The following VWCE variants were observed in gnomAD, a reference collection of about 807,000 sequenced individuals.
The protein encoded by VWCE is von Willebrand factor C and EGF domains.
VWCE carries 68 observed loss-of-function variants against 102.9 expected under a neutral mutation model. That is an observed-to-expected ratio of 0.66 (90% CI 0.54 to 0.81). The LOEUF (loss-of-function observed/expected upper bound fraction) is 0.81. VWCE is among the 30% of genes least tolerant of loss of function. The probability of loss-of-function intolerance (pLI) is 0.00; values close to 1 mark genes in which losing one functional copy is unlikely to be tolerated. For missense variants in VWCE, 1,137 were observed against 1,263.6 expected, an observed-to-expected ratio of 0.90 and a Z score of 1.52; for synonymous variants, 497 against 515.4, an observed-to-expected ratio of 0.96 and a Z score of 0.48.
chr11:61,291,776 T>TA (rs1855509676), intron 1 of VWCE, among the ~76,000 whole-genome samples, 200 bp from the exon 2 acceptor site: 1 of 152,050 alleles, frequency 6.6e-6, no homozygotes, highest in African/African-American at 2.4e-5. Context: ...TGTGAGACAA[T>TA]AGATACTGGC....
chr11:61,278,146 C>G (rs1297784749), intron 10 of VWCE, among the ~76,000 whole-genome samples: 1 of 152,210 alleles, frequency 6.6e-6, no homozygotes, highest in Non-Finnish European at 1.5e-5. Context: ...CCTTCCTAAA[C>G]AGACGGACCC....
In VWCE at chr11:61,291,010, G is replaced by A. The variant is rs144092855; in HGVS notation, c.296-83C>T. 1.1e-5 allele frequency: 17 copies of A among 1,540,332 alleles called. No individual in the cohort carries two copies. In the African/African-American group the frequency reaches 2.0e-4, roughly 19 times the overall value. ...CTTCACCAGGGTCCTCCTGAATTCT[G>A]TTGGGAGGGTAGCTCTGAAGGCAAA... On this transcript the variant is annotated intron_variant, in intron 3 of 19. Coordinates refer to ENST00000335613, the MANE Select transcript of VWCE (RefSeq NM_152718.2).
At chr11:61,283,739 C>G (rs1031811762) in intron 5 of VWCE, among the ~76,000 whole-genome samples, 1 of 152,232 alleles carries the variant, frequency 6.6e-6, no homozygotes, top group Admixed American at 6.5e-5. Context: ...GCACCACGCT[C>G]TTTTGGTGCT....
At chr11:61,282,554 G>A (rs983310716) in intron 6 of VWCE, 13 of 488,908 alleles carry the variant, frequency 2.7e-5, no homozygotes, top group Admixed American at 2.1e-4. Flanking sequence ...AGGAGCGGAA[G>A]AGAAACATAA....
At chr11:61,278,051 AC>A (rs985468787) in intron 10 of VWCE, among the ~76,000 whole-genome samples, 4 of 151,958 alleles carry the variant, frequency 2.6e-5, no homozygotes, top group African/African-American at 9.7e-5. Context: ...AAATGTGGAG[AC>A]CTTTATTGTG....
intron 13 of VWCE, among the ~76,000 whole-genome samples, chr11:61,272,954 G>A (rs978610894): frequency 2.7e-4 from 41 of 150,604 alleles, no homozygotes; most frequent in African/African-American, 8.6e-4. Context: ...ACACACATAC[G>A]CAGGTACCAC....
rs1855095537 is a variant in VWCE, at chr11:61,280,721, G to A, written c.1231-4C>T. Reference sequence around the variant, plus strand: ...TTTCACAGGTCACCTTCCCGTCCTAGAAGCACAAGCAGGAGTTAGAGCCAC... The same window carrying A: ...TTTCACAGGTCACCTTCCCGTCCTAAAAGCACAAGCAGGAGTTAGAGCCAC... On this transcript the variant is annotated splice_region_variant and splice_polypyrimidine_tract_variant and intron_variant, in intron 8 of 19. Coordinates refer to ENST00000335613, the MANE Select transcript of VWCE (RefSeq NM_152718.2). 3 of 1,613,844 alleles carry A rather than the reference G, an allele frequency of 1.9e-6. No homozygotes were observed. The highest frequency in any genetic ancestry group is 2.5e-6 in the Non-Finnish European group (3 of 1,180,012).
chr11:61,262,969 G>A (rs1443430427), intron 19 of VWCE, among the ~76,000 whole-genome samples: 2 of 152,194 alleles, frequency 1.3e-5, no homozygotes, highest in African/African-American at 4.8e-5. Flanking sequence ...GTACTTCATT[G>A]TGTGCATATA....
chr11:61,258,727 C>G lies in VWCE; in HGVS notation c.2816G>C (p.Gly939Ala). 1.4e-6 allele frequency: 2 copies of G among 1,381,644 alleles called. No homozygotes were observed. Among genetic ancestry groups the G allele is most frequent in the Admixed American group, 2.8e-5 (1 of 36,182 alleles). 85.6% of individuals were successfully genotyped at this position (1,381,644 alleles called of 1,614,324 possible). A position where few individuals can be genotyped will look rare whatever the true frequency, so the allele number is the denominator to read the frequency against. ...AGCCCCCACTGGGGGCTGCTGGGGG[C>G]CAGGGTGGGTGGTGGCTGCAAGGGC... The part of the protein sequence containing the change: ...STALAATTHP[G>A]PQQPPVGASR... The change falls in exon 20 of 20, where the codon GGC (glycine) becomes GCC (alanine). Residue 939 changes from glycine (G) to alanine (A), a missense_variant. Gly to Ala is a moderately conservative substitution (Grantham distance 60). Coordinates refer to ENST00000335613, the MANE Select transcript of VWCE (RefSeq NM_152718.2).
Position 61,274,498 on chromosome 11 carries a change from C to G in VWCE, c.1581+1G>C. 1.2e-6 allele frequency: 2 copies of G among 1,612,250 alleles called. No homozygotes were observed. Among genetic ancestry groups the G allele is most frequent in the Non-Finnish European group, 1.7e-6 (2 of 1,179,282 alleles). The stretch of plus-strand genomic sequence containing the variant: ...GGCTTTGGGACGCTCAGCCACCATA[C>G]CTGGCAAACACAGGTGGTACACTCG... On this transcript the variant is annotated splice_donor_variant, in intron 12 of 19. Coordinates refer to ENST00000335613, the MANE Select transcript of VWCE (RefSeq NM_152718.2). LOFTEE classifies it high-confidence loss of function.
chr11:61,264,681 A>G, intron 18 of VWCE, 104 bp from the exon 19 acceptor site: 1 of 1,260,152 alleles, frequency 7.9e-7, no homozygotes, highest in Non-Finnish European at 1.1e-6. Flanking sequence ...CCACGGAAAG[A>G]TCCCAGGACA....
intron 19 of VWCE, among the ~76,000 whole-genome samples, chr11:61,264,161 G>C (rs1478860049): frequency 6.8e-6 from 1 of 147,346 alleles, no homozygotes; most frequent in Non-Finnish European, 1.5e-5. Context: ...GGGAGGCGGA[G>C]CTTGCAGTGA....
At chr11:61,262,914 T>C (rs924434912) in intron 19 of VWCE, among the ~76,000 whole-genome samples, 1 of 152,246 alleles carries the variant, frequency 6.6e-6, no homozygotes, top group African/African-American at 2.4e-5. Context: ...TGTGACACTA[T>C]TCACAATAGC....
At chr11:61,264,077 T>C (rs1221313703) in intron 19 of VWCE, among the ~76,000 whole-genome samples, 1 of 151,170 alleles carries the variant, frequency 6.6e-6, no homozygotes, top group Non-Finnish European at 1.5e-5. Context: ...TACAAAAAAA[T>C]TAGCCAGGCG....
rs761081040 is a variant in VWCE at position 61,280,993 on chromosome 11, G to T, written c.1030C>A (p.Pro344Thr). Reference protein sequence around the residue: ...VWLLSTLLATPVPTASLLGNL... With the variant: ...VWLLSTLLATTVPTASLLGNL... Reference sequence around the variant, plus strand: ...CCCAGCAGGGAGGCAGTAGGCACTGGGGTGGCCAGCAGGGTGGACAGCAGC... The same window carrying T: ...CCCAGCAGGGAGGCAGTAGGCACTGTGGTGGCCAGCAGGGTGGACAGCAGC... The change falls in exon 8 of 20, where the codon CCA (proline) becomes ACA (threonine). Residue 344 changes from proline (P) to threonine (T), a missense_variant. By Grantham distance (38) the Pro-to-Thr change is conservative. Around this residue, in one of 5 missense-constraint regions of VWCE, gnomAD observed 575 missense variants for 625.9 expected, o/e 0.92. Transcript: ENST00000335613. 2.6e-6 allele frequency: 4 copies of T among 1,552,800 alleles called. No individual in the cohort carries two copies. The East Asian group carries it at 9.0e-5, about 35-fold the overall frequency.
chr11:61,295,044 C>T lies in VWCE; in HGVS notation c.-7G>A. Reference sequence around the variant, plus strand: ...GGAGCAGTCCGGCCCACATGACCGGCGGCGGCGGGTCCCCCGGGCTGGGCT... The same window carrying T: ...GGAGCAGTCCGGCCCACATGACCGGTGGCGGCGGGTCCCCCGGGCTGGGCT... On this transcript the variant is annotated 5_prime_UTR_variant, in exon 1 of 20. Coordinates refer to ENST00000335613, the MANE Select transcript of VWCE (RefSeq NM_152718.2). The surrounding 1 kb of genome is among the most constrained non-coding windows in gnomAD (Gnocchi z 4.6). 1.5e-6 allele frequency: 2 copies of T among 1,368,394 alleles called. No individual in the cohort carries two copies. Among genetic ancestry groups the T allele is most frequent in the Non-Finnish European group, 1.9e-6 (2 of 1,057,674 alleles). 84.8% of individuals were successfully genotyped at this position (1,368,394 alleles called of 1,614,324 possible).
At chr11:61,265,079 C>A (rs765642958) in intron 17 of VWCE, 41 bp from the exon 18 acceptor site, 1 of 1,613,822 alleles carries the variant, frequency 6.2e-7, no homozygotes, top group South Asian at 1.1e-5. Context: ...AGAGCCGAGG[C>A]CTGGCCGGGA....
intron 19 of VWCE, among the ~76,000 whole-genome samples, chr11:61,264,225 C>CA (rs547085588): frequency 0.076 from 1,522 of 19,922 alleles, 279 homozygotes; most frequent in Non-Finnish European, 0.18. Context: ...GACTCAGTCT[C>CA]AAAAAAAAAA....
chr11:61,284,133 C>G (rs11230659), intron 5 of VWCE, among the ~76,000 whole-genome samples: 39,219 of 151,398 alleles, frequency 0.26, 8,692 homozygotes, highest in African/African-American at 0.61. Flanking sequence ...GGGGCCAAAG[C>G]GGGAAGGATA....
Sources: allele counts gnomAD v4.1 joint callset (sites outside exome capture counted in the v4.1 genomes callset), GRCh38; gene constraint gnomAD v4.1.1; regional missense constraint gnomAD v4.1.1; non-coding constraint Gnocchi (gnomAD v3.1); transcripts MANE v1.5; gene names NCBI Gene and HGNC (gene_info 2026-07-23, HGNC 2026-07-21).